CRADD: variants seen among roughly 807,000 people sequenced by gnomAD.
CRADD encodes the protein CARD and death domain containing adaptor protein.
In CRADD, 9 loss-of-function variants were observed where a neutral mutation model predicts 15.5. The observed-to-expected ratio is 0.58, with a 90% CI of 0.35 to 1.01. The LOEUF (loss-of-function observed/expected upper bound fraction) is 1.01, where lower values mean the gene tolerates loss of function less well. Ranked by LOEUF, CRADD falls within the 50% of genes least tolerant of loss-of-function variation. The probability of loss-of-function intolerance (pLI) is 0.02; values close to 1 mark genes in which losing one functional copy is unlikely to be tolerated. For synonymous variants in CRADD, 118 were observed against 107.6 expected (o/e 1.10, Z -0.60); for missense variants, 227 against 250.3 (o/e 0.91, Z 0.63).
At chr12:93,891,381 A>G (rs963647036) in intron 2 of CRADD, among the ~76,000 whole-genome samples, 1 of 152,094 alleles carries the variant, frequency 6.6e-6, no homozygotes, top group Admixed American at 6.5e-5. Context: ...CAGCTACTTG[A>G]GAGGCTGAAG....
intron 2 of CRADD, among the ~76,000 whole-genome samples, chr12:93,863,074 G>A (rs2137060412): frequency 6.6e-6 from 1 of 152,248 alleles, no homozygotes; most frequent in East Asian, 1.9e-4. Context: ...TAATAAATCT[G>A]TCACATTTTT....
intron 2 of CRADD, among the ~76,000 whole-genome samples, chr12:93,827,058 C>T (rs1048932825): frequency 6.6e-6 from 1 of 152,126 alleles, no homozygotes; most frequent in African/African-American, 2.4e-5. Context: ...AAAAAACCCC[C>T]AGCTTTATTG....
At chr12:93,704,851 C>A (rs1012430303) in intron 2 of CRADD, among the ~76,000 whole-genome samples, 6 of 152,158 alleles carry the variant, frequency 3.9e-5, no homozygotes, top group Non-Finnish European at 8.8e-5. Context: ...CAGTGCCCAC[C>A]TCGAGGCCTT....
intron 2 of CRADD, among the ~76,000 whole-genome samples, chr12:93,694,932 T>C (rs1955664958): frequency 6.6e-6 from 1 of 152,158 alleles, no homozygotes; most frequent in African/African-American, 2.4e-5. Context: ...AAAATTCTAG[T>C]GACATATTTT....
rs529755188 is a variant in CRADD, at chr12:93,691,450, C to T, written c.298+12378C>T. ...TGTATTGTTAGTAGAGACAGGGTTT[C>T]ACCATGTTGGCCAGGCTGGTCTCGA... On this transcript the variant is annotated intron_variant, in intron 2 of 2. Transcript: ENST00000332896. Among the ~76,000 whole-genome samples the T allele has an allele frequency of 1.4e-3, 213 of 152,158 alleles. 2 individuals are homozygous for T. The highest frequency in any genetic ancestry group is 4.9e-3 in the African/African-American group (204 of 41,518).
chr12:93,874,799 A>G (rs1031821693), intron 2 of CRADD, among the ~76,000 whole-genome samples: 14 of 151,990 alleles, frequency 9.2e-5, no homozygotes, highest in Middle Eastern at 3.4e-3. Context: ...CATTATTTCA[A>G]TTTTTTTGAA....
chr12:93,763,208 T>G (rs1253282643), intron 2 of CRADD, among the ~76,000 whole-genome samples: 4 of 152,246 alleles, frequency 2.6e-5, no homozygotes, highest in Admixed American at 6.5e-5. Context: ...TGACCTGACC[T>G]TTTCCTACCA....
chr12:93,816,037 A>T (rs941222192), intron 2 of CRADD: 1 of 152,216 alleles, frequency 6.6e-6, no homozygotes, highest in African/African-American at 2.4e-5. Flanking sequence ...CAAGCCACCA[A>T]TTGGAGCCAC....
At chr12:93,736,433 C>G (rs1234435115) in intron 2 of CRADD, among the ~76,000 whole-genome samples, 1 of 152,188 alleles carries the variant, frequency 6.6e-6, no homozygotes, top group African/African-American at 2.4e-5. Flanking sequence ...TTTCCCATCT[C>G]TACTTAAAAA....
chr12:93,857,489 G>T (rs979760992), intron 2 of CRADD, among the ~76,000 whole-genome samples: 1 of 152,188 alleles, frequency 6.6e-6, no homozygotes, highest in East Asian at 1.9e-4. Context: ...GGTGCTCCTG[G>T]TGTGTGCCCT....
chr12:93,812,116 A>G (rs540925349), intron 2 of CRADD, among the ~76,000 whole-genome samples: 11 of 152,326 alleles, frequency 7.2e-5, no homozygotes, highest in Non-Finnish European at 1.3e-4. Flanking sequence ...CCTTCGGGGA[A>G]GGGAGTAAGG....
At chr12:93,854,417 A>G (rs1401340854), downstream of CRADD, among the ~76,000 whole-genome samples, 4 of 152,204 alleles carry the variant, frequency 2.6e-5, no homozygotes, top group Non-Finnish European at 5.9e-5. Flanking sequence ...CGCCATGTGG[A>G]AACACCTTTC....
intron 2 of CRADD, among the ~76,000 whole-genome samples, chr12:93,772,661 A>G (rs1957096946): frequency 6.6e-6 from 1 of 152,204 alleles, no homozygotes; most frequent in African/African-American, 2.4e-5. Context: ...TCATCTCTGG[A>G]TTATTTCCTA....
chr12:93,700,699 G>T (rs1009366504), intron 2 of CRADD, among the ~76,000 whole-genome samples: 2 of 152,152 alleles, frequency 1.3e-5, no homozygotes, highest in African/African-American at 4.8e-5. Context: ...CAAAGTGCTT[G>T]GATTACAGGT....
intron 2 of CRADD, among the ~76,000 whole-genome samples, chr12:93,893,372 C>T (rs757657441): frequency 5.3e-5 from 8 of 151,354 alleles, no homozygotes; most frequent in East Asian, 3.9e-4. Flanking sequence ...GTTCATTGGA[C>T]GGACACAATT....
chr12:93,722,006 C>T (rs1203934172), intron 2 of CRADD, among the ~76,000 whole-genome samples: 1 of 152,210 alleles, frequency 6.6e-6, no homozygotes, highest in Admixed American at 6.5e-5. Flanking sequence ...CTTCTTTTAA[C>T]ATTTCTTGTA....
At chr12:93,806,162 C>CA (rs1957535099) in intron 2 of CRADD, among the ~76,000 whole-genome samples, 1 of 151,902 alleles carries the variant, frequency 6.6e-6, no homozygotes. Context: ...TTTGAAAAAA[C>CA]AAGAGAGGTG....
intron 2 of CRADD, among the ~76,000 whole-genome samples, chr12:93,739,063 T>G (rs1249624579): frequency 1.3e-5 from 2 of 152,144 alleles, no homozygotes; most frequent in East Asian, 3.8e-4. Context: ...TTTTTTCCCC[T>G]TCTCCCAGCA....
intron 2 of CRADD, among the ~76,000 whole-genome samples, chr12:93,883,669 A>C (rs1958517622): frequency 6.6e-6 from 1 of 151,702 alleles, no homozygotes; most frequent in Non-Finnish European, 1.5e-5. Flanking sequence ...AAAACAAAAC[A>C]AAAAAAACAC....
Sources: allele counts gnomAD v4.1 joint callset (sites outside exome capture counted in the v4.1 genomes callset), GRCh38; gene constraint gnomAD v4.1.1; transcripts MANE v1.5; gene names NCBI Gene and HGNC (gene_info 2026-07-23, HGNC 2026-07-21).